Variants in C8orf34 observed in about 807,000 individuals in gnomAD.
C8orf34 encodes uncharacterized protein C8orf34.
A neutral mutation model predicts 68.3 loss-of-function variants in C8orf34; 65 were observed. That is an observed-to-expected ratio of 0.95 (90% CI 0.78 to 1.17). The LOEUF is 1.17. Ranked by LOEUF, C8orf34 falls within the 50% of genes most tolerant of loss-of-function variation. The pLI is 0.00. For missense variants in C8orf34, 664 were observed against 655.4 expected, an observed-to-expected ratio of 1.01 and a Z score of -0.14; for synonymous variants, 244 against 241.2, an observed-to-expected ratio of 1.01 and a Z score of -0.11.
At chr8:68,416,926 T>C (rs1809695939) in intron 1 of C8orf34, among the ~76,000 whole-genome samples, 2 of 152,146 alleles carry the variant, frequency 1.3e-5, no homozygotes, top group Admixed American at 1.3e-4. Context: ...TCCTTTGTAT[T>C]TAAGTATTAC....
At chr8:68,453,795 T>C (rs572267890) in intron 3 of C8orf34, among the ~76,000 whole-genome samples, 8 of 152,126 alleles carry the variant, frequency 5.3e-5, no homozygotes, top group Admixed American at 3.3e-4. Flanking sequence ...CAGCTAGAAA[T>C]TCCAATACAA....
Position 68,460,331 on chromosome 8 carries a change from C to G in C8orf34, c.608-8361C>G, listed in dbSNP as rs530612199. ...GCCCACCACAGCTCAAGGAGGCCTGCCTGCCTCTGTAGGCTCCACCTCTGG... is the reference window on the plus strand; with the variant it reads ...GCCCACCACAGCTCAAGGAGGCCTGGCTGCCTCTGTAGGCTCCACCTCTGG... On this transcript the variant is annotated intron_variant, in intron 3 of 13. Transcript: ENST00000518698. Among the ~76,000 whole-genome samples the G allele has an allele frequency of 4.6e-5, 7 of 152,326 alleles. No homozygotes were observed. In the South Asian group the frequency reaches 1.2e-3, roughly 27 times the overall value.
intron 5 of C8orf34, among the ~76,000 whole-genome samples, chr8:68,492,606 T>G (rs1481133199): frequency 6.6e-6 from 1 of 152,156 alleles, no homozygotes; most frequent in Non-Finnish European, 1.5e-5. Context: ...CCTTCTTTTT[T>G]CCATCCAAAC....
chr8:68,752,910 T>C (rs1822749155), intron 10 of C8orf34, among the ~76,000 whole-genome samples: 1 of 152,210 alleles, frequency 6.6e-6, no homozygotes, highest in African/African-American at 2.4e-5. Context: ...GATTTCTCTC[T>C]AGTTAGCTCT....
intron 10 of C8orf34, among the ~76,000 whole-genome samples, chr8:68,774,990 G>A (rs904760070): frequency 1.8e-5 from 2 of 113,394 alleles, no homozygotes; most frequent in African/African-American, 7.2e-5. Context: ...GGTGGCACAT[G>A]TCTGTAGTCC....
chr8:68,401,754 C>T (rs1808965651), intron 1 of C8orf34, among the ~76,000 whole-genome samples: 1 of 151,978 alleles, frequency 6.6e-6, no homozygotes, highest in Non-Finnish European at 1.5e-5. Flanking sequence ...CCCACTTGAT[C>T]ATGGTGTGTT....
At chr8:68,449,719 A>G (rs1811267190) in intron 3 of C8orf34, among the ~76,000 whole-genome samples, 1 of 152,168 alleles carries the variant, frequency 6.6e-6, no homozygotes, top group Admixed American at 6.6e-5. Flanking sequence ...TCGAACAATC[A>G]TCTGAGCTTT....
chr8:68,498,093 GC>G lies in C8orf34; in HGVS notation c.765+10043del, dbSNP rs569004574. Among the ~76,000 whole-genome samples the G allele has an allele frequency of 8.2e-3, 1,250 of 152,288 alleles. 20 individuals are homozygous for G. The highest frequency in any genetic ancestry group is 0.028 in the African/African-American group (1,145 of 41,576). ...TCCACCTGCCTCAGCCTCCCAAAGT[GC>G]TGGGATTACAGGCATGAGCCACGGT... is the stretch of plus-strand genomic sequence containing the variant. On this transcript the variant is annotated intron_variant, in intron 5 of 13. Transcript: ENST00000518698.
At chr8:68,648,386 A>C (rs1283104059) in intron 8 of C8orf34, among the ~76,000 whole-genome samples, 1 of 152,232 alleles carries the variant, frequency 6.6e-6, no homozygotes, top group Non-Finnish European at 1.5e-5. Flanking sequence ...TTTTGTTTTA[A>C]TATAACAGTT....
In C8orf34 at chr8:68,331,069, C is replaced by A; in HGVS notation, c.57C>A (p.Phe19Leu). ...AGTTGGCGGCGCTGCGCCCAGGCTT[C>A]CGGCTCTCAGCGCCCCACGCGCGCG... The part of the protein sequence containing the change: ...LSELAALRPG[F>L]RLSAPHARVA... Residue 19 changes from phenylalanine (F) to leucine (L), a missense_variant, in exon 1 of 14, where the codon TTC becomes TTA. Transcript: ENST00000518698. 1 of 1,445,780 alleles carries A rather than the reference C, an allele frequency of 6.9e-7. No homozygotes were observed. Among genetic ancestry groups the A allele is most frequent in the Non-Finnish European group, 9.1e-7 (1 of 1,103,314 alleles). 89.6% of individuals were successfully genotyped at this position (1,445,780 alleles called of 1,614,324 possible). A position where few individuals can be genotyped will look rare whatever the true frequency, so the allele number is the denominator to read the frequency against.
chr8:68,431,169 A>G (rs138105655), intron 1 of C8orf34, among the ~76,000 whole-genome samples: 1 of 152,170 alleles, frequency 6.6e-6, no homozygotes, highest in South Asian at 2.1e-4. Context: ...TTTAAGGTGC[A>G]TGGAATCAAA....
At position 68,642,774 on chromosome 8, in the gene C8orf34, C is replaced by T. The variant is rs922335089; in HGVS notation, c.1241+2263C>T. ...GTGTGTTAGATCAGCAGTCTTCAAC[C>T]GTTTTGGCACCAGGGACTGGTTTCA... On this transcript the variant is annotated intron_variant, in intron 8 of 13. Coordinates refer to ENST00000518698, the MANE Select transcript of C8orf34 (RefSeq NM_052958.4). Among the ~76,000 whole-genome samples the T allele has an allele frequency of 7.9e-5, 12 of 152,302 alleles. No homozygotes were observed. In the East Asian group the frequency reaches 1.5e-3, roughly 20 times the overall value.
In C8orf34 at chr8:68,462,349, C is replaced by T. The variant is rs527572119; in HGVS notation, c.608-6343C>T. Among the ~76,000 whole-genome samples the T allele has an allele frequency of 2.1e-3, 321 of 152,182 alleles. 1 individual carries two copies. The highest frequency in any genetic ancestry group is 7.0e-3 in the African/African-American group (289 of 41,512). On this transcript the variant is annotated intron_variant, in intron 3 of 13. Transcript: ENST00000518698. The stretch of plus-strand genomic sequence containing the variant: ...TCCCACACAATAATAATGGGAGAAT[C>T]TAATACCCCACTGTCAACATTAGAC...
At chr8:68,448,466 C>G (rs1371928919) in intron 3 of C8orf34, among the ~76,000 whole-genome samples, 2 of 152,084 alleles carry the variant, frequency 1.3e-5, no homozygotes, top group African/African-American at 4.8e-5. Flanking sequence ...AGTAAAATAT[C>G]TCTGTACGTA....
At chr8:68,467,672 A>C (rs2068593) in intron 3 of C8orf34, among the ~76,000 whole-genome samples, 5,465 of 151,788 alleles carry the variant, frequency 0.036, 353 homozygotes, top group African/African-American at 0.12. Flanking sequence ...TGGTAGAGCA[A>C]CTCCAGTAGG....
chr8:68,436,970 A>G (rs1463611206), intron 1 of C8orf34, among the ~76,000 whole-genome samples: 3 of 152,198 alleles, frequency 2.0e-5, no homozygotes, highest in African/African-American at 7.2e-5. Context: ...AGTCCAGCAG[A>G]TACATGGATT....
intron 1 of C8orf34, among the ~76,000 whole-genome samples, chr8:68,367,928 A>AAAAAAAAAAAAAAAAAAAC (rs1807375775): frequency 6.7e-6 from 1 of 148,948 alleles, no homozygotes; most frequent in Admixed American, 6.7e-5. Flanking sequence ...AAAAAAAAAA[A>AAAAAAAAAAAAAAAAAAAC]AAAAAAAAAG....
intron 10 of C8orf34, among the ~76,000 whole-genome samples, chr8:68,748,056 C>G (rs369859112): frequency 2.0e-5 from 3 of 149,666 alleles, no homozygotes; most frequent in East Asian, 1.9e-4. Flanking sequence ...CAATGGAACA[C>G]AACAGAGCCC....
At chr8:68,448,711 A>G (rs1811221208) in intron 3 of C8orf34, among the ~76,000 whole-genome samples, 1 of 152,166 alleles carries the variant, frequency 6.6e-6, no homozygotes, top group Non-Finnish European at 1.5e-5. Context: ...ATTATAGTAA[A>G]TATAAATGTA....
Sources: allele counts gnomAD v4.1 joint callset (sites outside exome capture counted in the v4.1 genomes callset), GRCh38; gene constraint gnomAD v4.1.1; transcripts MANE v1.5; gene names NCBI Gene and HGNC (gene_info 2026-07-23, HGNC 2026-07-21).